The following MYO3A variants were observed in gnomAD, a reference collection of about 807,000 sequenced individuals.
MYO3A encodes the protein myosin-IIIa.
In MYO3A, 180 loss-of-function variants were observed where a neutral mutation model predicts 192.7. The ratio of observed to expected loss-of-function variants is 0.93; its 90% CI spans 0.83 to 1.06. The LOEUF (loss-of-function observed/expected upper bound fraction) is 1.06. Among genes scored for constraint, MYO3A ranks in the 50% least tolerant of loss-of-function variants. The pLI is 0.00. For synonymous variants in MYO3A, 628 were observed against 645.3 expected (o/e 0.97, Z 0.41); for missense variants, 1,896 against 1,905.0 (o/e 1.00, Z 0.09).
At chr10:26,097,515 T>C (rs1430223801) in intron 17 of MYO3A, among the ~76,000 whole-genome samples, 1 of 152,162 alleles carries the variant, frequency 6.6e-6, no homozygotes, top group Non-Finnish European at 1.5e-5. Context: ...TAGGTATATC[T>C]CCTAATGCTA....
chr10:26,055,092 C>G (rs1356591828), intron 10 of MYO3A, among the ~76,000 whole-genome samples: 1 of 152,212 alleles, frequency 6.6e-6, no homozygotes, highest in African/African-American at 2.4e-5. Context: ...AAGGCAGCAG[C>G]TTCTATCCAG....
At chr10:25,938,350 G>A (rs1836249859) in intron 2 of MYO3A, among the ~76,000 whole-genome samples, 3 of 152,204 alleles carry the variant, frequency 2.0e-5, no homozygotes, top group Non-Finnish European at 4.4e-5. Context: ...TGAAGTCACT[G>A]AGAGTGGTGA....
intron 31 of MYO3A, among the ~76,000 whole-genome samples, chr10:26,187,187 C>G (rs1024352251): frequency 2.6e-5 from 4 of 151,990 alleles, no homozygotes; most frequent in African/African-American, 9.7e-5. Context: ...ACAAAGACAT[C>G]AAAACCTAAG....
At chr10:25,959,485 A>G (rs1471038338) in intron 4 of MYO3A, among the ~76,000 whole-genome samples, 1 of 152,120 alleles carries the variant, frequency 6.6e-6, no homozygotes, top group East Asian at 1.9e-4. Context: ...CTGAGCTTCT[A>G]CACTGCCTCA....
intron 6 of MYO3A, among the ~76,000 whole-genome samples, chr10:26,009,045 G>T (rs1010135300): frequency 6.6e-6 from 1 of 152,040 alleles, no homozygotes; most frequent in Admixed American, 6.5e-5. Context: ...ATACTATGCA[G>T]CCATAAAAAG....
At chr10:25,950,793 A>G (rs1837161686) in intron 2 of MYO3A, among the ~76,000 whole-genome samples, 2 of 152,168 alleles carry the variant, frequency 1.3e-5, no homozygotes, top group Admixed American at 1.3e-4. Flanking sequence ...GATGTGAATA[A>G]AGGTGAAAGT....
intron 10 of MYO3A, among the ~76,000 whole-genome samples, chr10:26,050,675 G>T (rs540368471): frequency 3.9e-5 from 6 of 152,128 alleles, no homozygotes; most frequent in Admixed American, 3.3e-4. Context: ...AACTCAGGTC[G>T]CTCTATCTAA....
rs570563046 is a variant in MYO3A, at chr10:26,112,906, C to A, written c.1777-7770C>A. 3.4e-4 allele frequency among the ~76,000 whole-genome samples: 51 copies of A among 152,206 alleles called. 1 individual carries two copies. Among genetic ancestry groups the A allele is most frequent in the South Asian group, 1.0e-3 (5 of 4,824 alleles). On this transcript the variant is annotated intron_variant, in intron 17 of 34. Coordinates refer to ENST00000642920, the MANE Select transcript of MYO3A (RefSeq NM_017433.5). The stretch of plus-strand genomic sequence containing the variant: ...TGATGATTCAATGAGTAGTTTGTCT[C>A]ATTTAGAAACAATTTTTACCATATA...
In MYO3A at chr10:26,070,142, C is replaced by G. The variant is rs751518589; in HGVS notation, c.1202C>G (p.Thr401Ser). 2.8e-5 allele frequency: 45 copies of G among 1,611,694 alleles called. 1 individual carries two copies. The South Asian group carries it at 4.6e-4, about 17-fold the overall frequency. The change falls in exon 13 of 35, where the codon ACT becomes AGT. Residue 401 changes from threonine to serine, a missense_variant. By Grantham distance (58) the Thr-to-Ser change is moderately conservative. Transcript: ENST00000642920. ...AAACTATATATTGGATCAAAGAGAA[C>G]TGCCAGTCCTCCTCACATTTTTGCA... ...HSKLYIGSKR[T>S]ASPPHIFAMA... is the part of the protein sequence containing the mutation.
intron 8 of MYO3A, chr10:26,022,689 A>T (rs1842367426): frequency 6.6e-6 from 1 of 152,194 alleles, no homozygotes; most frequent in African/African-American, 2.4e-5. Flanking sequence ...GTAGTTTCTA[A>T]TTCCTATTGT....
intron 29 of MYO3A, among the ~76,000 whole-genome samples, chr10:26,172,244 T>C (rs1842085563): frequency 1.3e-5 from 2 of 152,342 alleles, no homozygotes; most frequent in South Asian, 4.1e-4. Context: ...CTGAAGCGCT[T>C]GTTTTCACTT....
At chr10:26,047,531 T>G (rs1004248203) in intron 10 of MYO3A, among the ~76,000 whole-genome samples, 1 of 152,174 alleles carries the variant, frequency 6.6e-6, no homozygotes, top group Non-Finnish European at 1.5e-5. Context: ...CCCAGCACTT[T>G]GGGAGGCCGA....
At chr10:26,010,246 T>C (rs1190481757) in intron 6 of MYO3A, among the ~76,000 whole-genome samples, 5 of 152,156 alleles carry the variant, frequency 3.3e-5, no homozygotes, top group Non-Finnish European at 7.3e-5. Flanking sequence ...TGAATATTGA[T>C]TGGAAAGGTG....
chr10:26,035,915 A>G (rs1209739698), intron 10 of MYO3A, among the ~76,000 whole-genome samples: 1 of 151,706 alleles, frequency 6.6e-6, no homozygotes, highest in Non-Finnish European at 1.5e-5. Flanking sequence ...TGGTCAAGGA[A>G]TCTTTGTTCA....
At chr10:26,075,382 C>T (rs967461477) in intron 14 of MYO3A, among the ~76,000 whole-genome samples, 1 of 151,490 alleles carries the variant, frequency 6.6e-6, no homozygotes, top group East Asian at 1.9e-4. Context: ...ATCACCCAAG[C>T]AGTATACACT....
At chr10:26,031,180 C>T (rs1029543850) in intron 10 of MYO3A, among the ~76,000 whole-genome samples, 7 of 152,104 alleles carry the variant, frequency 4.6e-5, no homozygotes, top group Non-Finnish European at 8.8e-5. Context: ...ACAATACAAG[C>T]CCACTTAAAA....
At chr10:26,078,092 T>G (rs1835703329) in intron 14 of MYO3A, among the ~76,000 whole-genome samples, 1 of 151,746 alleles carries the variant, frequency 6.6e-6, no homozygotes, top group Admixed American at 6.6e-5. Context: ...TTCTTTAATG[T>G]CTGGTAGAAT....
At chr10:26,195,998 A>C (rs1843388908) in intron 32 of MYO3A, among the ~76,000 whole-genome samples, 1 of 152,254 alleles carries the variant, frequency 6.6e-6, no homozygotes, top group Admixed American at 6.5e-5. Flanking sequence ...AAAAACAAAT[A>C]GGAGTAAATT....
At chr10:26,154,713 C>T in intron 24 of MYO3A, 33 bp from the exon 25 acceptor site, 2 of 1,585,612 alleles carry the variant, frequency 1.3e-6, no homozygotes, top group Non-Finnish European at 1.7e-6. Flanking sequence ...ACAATAGATA[C>T]CAAGGCATCA....
Sources: allele counts gnomAD v4.1 joint callset (sites outside exome capture counted in the v4.1 genomes callset), GRCh38; gene constraint gnomAD v4.1.1; transcripts MANE v1.5; gene names NCBI Gene and HGNC (gene_info 2026-07-23, HGNC 2026-07-21).